Variants in ABHD12 observed in about 807,000 individuals in gnomAD.
ABHD12 encodes lysophosphatidylserine lipase ABHD12.
A neutral mutation model predicts 58.3 loss-of-function variants in ABHD12; 43 were observed. The ratio of observed to expected loss-of-function variants is 0.74; its 90% confidence interval spans 0.58 to 0.95. The LOEUF is 0.95. ABHD12 is among the 40% of genes least tolerant of loss of function. ABHD12 has a pLI of 0.00. For synonymous variants in ABHD12, 219 were observed against 211.2 expected (o/e 1.04, Z -0.32); for missense variants, 539 against 537.2 (o/e 1.00, Z -0.03).
At chr20:25,327,235 G>A (rs761474355) in intron 2 of ABHD12, among the ~76,000 whole-genome samples, 3 of 152,224 alleles carry the variant, frequency 2.0e-5, no homozygotes, top group Admixed American at 6.5e-5. Flanking sequence ...TTGGGAGGCC[G>A]AGGTGGGCAG....
At chr20:25,378,667 CA>C (rs1170104025) in intron 1 of ABHD12, among the ~76,000 whole-genome samples, 2 of 151,754 alleles carry the variant, frequency 1.3e-5, no homozygotes, top group African/African-American at 4.8e-5. Flanking sequence ...AAGACTCCAC[CA>C]GCCTGATAAG....
In ABHD12 at chr20:25,390,628, CCGAGCCGGAGGAGGA is replaced by C. The variant is rs755143824; in HGVS notation, c.61_75del (p.Ser21_Ser25del). On this transcript the variant is annotated inframe_deletion, in exon 1 of 13. Coordinates refer to ENST00000339157, the MANE Select transcript of ABHD12 (RefSeq NM_001042472.3). ...CAGTCGGCGTCCAGCGCCGCGGCGGCCGAGCCGGAGGAGGACGAGCCCGCGGCGGCGCAGCGCTCA... is the reference window on the plus strand; with the variant it reads ...CAGTCGGCGTCCAGCGCCGCGGCGGCCGAGCCCGCGGCGGCGCAGCGCTCA... 2 of 1,458,820 alleles carry C rather than the reference CCGAGCCGGAGGAGGA, an allele frequency of 1.4e-6. No homozygotes were observed. Among genetic ancestry groups the C allele is most frequent in the African/African-American group, 1.5e-5 (1 of 67,608 alleles). 90.4% of individuals were successfully genotyped at this position (1,458,820 alleles called of 1,614,324 possible). A position where few individuals can be genotyped will look rare whatever the true frequency, so the allele number is the denominator to read the frequency against.
At position 25,380,692 on chromosome 20, in the gene ABHD12, C is replaced by T. The variant is rs1480746849; in HGVS notation, c.191+9821G>A. Among the ~76,000 whole-genome samples, 6 of 152,134 alleles carry T rather than the reference C, an allele frequency of 3.9e-5. No homozygotes were observed. The East Asian group carries it at 1.2e-3, about 29-fold the overall frequency. Reference sequence around the variant, plus strand: ...CTTCTTTAGGTGGCTGCCTTGACACCTTTTCCCAGCAATCCTTCTAACTCA... The same window carrying T: ...CTTCTTTAGGTGGCTGCCTTGACACTTTTTCCCAGCAATCCTTCTAACTCA... On this transcript the variant is annotated intron_variant, in intron 1 of 12. Coordinates refer to ENST00000339157, the MANE Select transcript of ABHD12 (RefSeq NM_001042472.3).
chr20:25,369,001 T>C (rs2089863354), intron 1 of ABHD12, among the ~76,000 whole-genome samples: 1 of 152,042 alleles, frequency 6.6e-6, no homozygotes, highest in South Asian at 2.1e-4. Flanking sequence ...CATGCACCTA[T>C]AGTCCCAGCT....
chr20:25,369,412 G>C (rs1177288139), intron 1 of ABHD12, among the ~76,000 whole-genome samples: 1 of 152,116 alleles, frequency 6.6e-6, no homozygotes, highest in Middle Eastern at 3.2e-3. Context: ...CTCTAGCTGT[G>C]GGTCCAGCAC....
chr20:25,383,563 G>A (rs1437707598), intron 1 of ABHD12, among the ~76,000 whole-genome samples: 1 of 152,214 alleles, frequency 6.6e-6, no homozygotes, highest in African/African-American at 2.4e-5. Flanking sequence ...GCTCACGCCT[G>A]TAATCCCAGC....
chr20:25,354,403 A>G (rs962340324), intron 1 of ABHD12, among the ~76,000 whole-genome samples: 13 of 152,226 alleles, frequency 8.5e-5, no homozygotes, highest in Admixed American at 2.6e-4. Flanking sequence ...CACTGACCCC[A>G]GCTCTGGTGA....
Position 25,334,037 on chromosome 20 carries a change from A to G in ABHD12, c.316+5190T>C, listed in dbSNP as rs542468055. Among the ~76,000 whole-genome samples, 8 of 152,298 alleles carry G rather than the reference A, an allele frequency of 5.3e-5. No homozygotes were observed. The East Asian group carries it at 1.5e-3, about 29-fold the overall frequency. On this transcript the variant is annotated intron_variant, in intron 2 of 12. Transcript: ENST00000339157. ...CAAATTGTCCCTGTTTGCAGATGAC[A>G]TGATGGTATATCTAGAAAACCCCAT... is the stretch of plus-strand genomic sequence containing the variant.
intron 2 of ABHD12, among the ~76,000 whole-genome samples, chr20:25,323,908 G>C (rs1485833679): frequency 6.6e-6 from 1 of 152,254 alleles, no homozygotes; most frequent in Non-Finnish European, 1.5e-5. Flanking sequence ...TGCAGGACCT[G>C]ATGACCAACG....
At chr20:25,304,607 C>T (rs2088700866) in intron 10 of ABHD12, among the ~76,000 whole-genome samples, 1 of 152,234 alleles carries the variant, frequency 6.6e-6, no homozygotes, top group African/African-American at 2.4e-5. Flanking sequence ...CTTGCTCTTT[C>T]ACCAGGCTGG....
At position 25,369,929 on chromosome 20, in the gene ABHD12, A is replaced by T. The variant is rs1197676345; in HGVS notation, c.191+20584T>A. On this transcript the variant is annotated intron_variant, in intron 1 of 12. Coordinates refer to ENST00000339157, the MANE Select transcript of ABHD12 (RefSeq NM_001042472.3). ...ACCCTGTTTCTCTGTCTCTGTTATAAAAAAAAAAAAAAAAAAAAAAGCCCT... is the reference window on the plus strand; with the variant it reads ...ACCCTGTTTCTCTGTCTCTGTTATATAAAAAAAAAAAAAAAAAAAAGCCCT... Among the ~76,000 whole-genome samples the T allele has an allele frequency of 4.5e-4, 27 of 60,456 alleles. 1 individual carries two copies. In the South Asian group the frequency reaches 8.7e-3, roughly 19 times the overall value. The allele number at this position is 60,456 out of a possible 152,430, so 39.7% of individuals were successfully genotyped here.
chr20:25,296,639 T>C, downstream of ABHD12: 1 of 1,350,214 alleles, frequency 7.4e-7, no homozygotes, highest in Non-Finnish European at 1.0e-6. Flanking sequence ...GAGTACCATG[T>C]TTCCAGGAGG....
intron 2 of ABHD12, among the ~76,000 whole-genome samples, chr20:25,325,752 A>G (rs2089164025): frequency 6.6e-6 from 1 of 152,112 alleles, no homozygotes; most frequent in South Asian, 2.1e-4. Flanking sequence ...CTCAGTTTGC[A>G]GGTTTGTTTG....
intron 2 of ABHD12, among the ~76,000 whole-genome samples, chr20:25,330,904 C>A (rs180896979): frequency 6.6e-6 from 1 of 152,182 alleles, no homozygotes; most frequent in African/African-American, 2.4e-5. Flanking sequence ...TAAAGCAGAG[C>A]GCCTCTCCTC....
chr20:25,323,495 A>G, intron 2 of ABHD12, 65 bp from the exon 3 acceptor site: 1 of 1,004,448 alleles, frequency 1.0e-6, no homozygotes. Context: ...GTACACACAA[A>G]CATGCATACT....
At position 25,302,243 on chromosome 20, in the gene ABHD12, C is replaced by T. The variant is rs1176824688; in HGVS notation, c.1133G>A (p.Ser378Asn). 6.2e-7 allele frequency: 1 copy of T among 1,613,578 alleles called. No homozygotes were observed. The highest frequency in any genetic ancestry group is 1.7e-5 in the Admixed American group (1 of 60,028). ...LGYRHKYIYK[S>N]PELPRILREF... ...CCTCAGTATCCGTGGCAGCTCAGGGCTCTTGTAAATGTATTTGTGCCTGTA... is the reference window on the plus strand; with the variant it reads ...CCTCAGTATCCGTGGCAGCTCAGGGTTCTTGTAAATGTATTTGTGCCTGTA... The change falls in exon 12 of 13, where the codon AGC (serine) becomes AAC (asparagine). Residue 378 changes from serine to asparagine, a missense_variant. Ser to Asn is a conservative substitution (Grantham distance 46). Transcript: ENST00000339157.
intron 1 of ABHD12, among the ~76,000 whole-genome samples, chr20:25,366,640 A>G (rs1295708424): frequency 6.6e-6 from 1 of 152,220 alleles, no homozygotes; most frequent in Non-Finnish European, 1.5e-5. Context: ...TCAAGACTTT[A>G]GAATTTCACT....
chr20:25,369,367 T>C (rs1038240269), intron 1 of ABHD12, among the ~76,000 whole-genome samples: 1 of 152,180 alleles, frequency 6.6e-6, no homozygotes, highest in Non-Finnish European at 1.5e-5. Flanking sequence ...AGCTACCAAA[T>C]CTAAGAGGCC....
chr20:25,296,618 C>A, downstream of ABHD12: 1 of 1,453,822 alleles, frequency 6.9e-7, no homozygotes, highest in Non-Finnish European at 9.2e-7. Flanking sequence ...ACTGGTGGTC[C>A]CTGCTTTTCT....
Sources: gnomAD v4.1 joint callset for allele counts (sites outside exome capture counted in the v4.1 genomes callset) on GRCh38, gnomAD v4.1.1 for gene constraint, MANE v1.5 for transcripts, NCBI Gene and HGNC (gene_info 2026-07-23, HGNC 2026-07-21) for gene names.